The following DPY19L2 variants were observed in gnomAD, a reference collection of about 807,000 sequenced individuals.
DPY19L2 encodes the protein probable C-mannosyltransferase DPY19L2.
In DPY19L2, 34 loss-of-function variants were observed where a neutral mutation model predicts 97.9. The observed-to-expected ratio is 0.35, with a 90% confidence interval of 0.26 to 0.46. The LOEUF (loss-of-function observed/expected upper bound fraction) is 0.46. DPY19L2 is among the 20% of genes least tolerant of loss of function. DPY19L2 has a pLI of 1.00. For synonymous variants in DPY19L2, 230 were observed against 307.9 expected (o/e 0.75, Z 2.65); for missense variants, 623 against 911.4 (o/e 0.68, Z 4.07).
At chr12:63,574,578 A>C (rs976701059) in intron 19 of DPY19L2, among the ~76,000 whole-genome samples, 2 of 152,002 alleles carry the variant, frequency 1.3e-5, no homozygotes, top group Non-Finnish European at 2.9e-5. Flanking sequence ...TTTACTTATA[A>C]AGGCAAATAT....
chr12:63,591,271 A>T (rs1235943353), intron 16 of DPY19L2: 7 of 268,304 alleles, frequency 2.6e-5, no homozygotes, highest in Non-Finnish European at 5.5e-5. Flanking sequence ...AGTTCATAGA[A>T]ATTCTTTCTA....
chr12:63,629,094 G>C (rs573687634), intron 6 of DPY19L2, among the ~76,000 whole-genome samples: 2,472 of 152,156 alleles, frequency 0.016, 72 homozygotes, highest in African/African-American at 0.055. Flanking sequence ...ACCAAAGGTA[G>C]ATAAAACCAC....
chr12:63,654,548 G>T (rs7301454), intron 4 of DPY19L2, among the ~76,000 whole-genome samples: 100,679 of 151,920 alleles, frequency 0.66, 33,918 homozygotes, highest in East Asian at 0.87. Context: ...ATTGACAAAT[G>T]GGATTTAAAA....
chr12:63,582,841 T>C (rs534442579), intron 17 of DPY19L2, among the ~76,000 whole-genome samples: 2 of 152,142 alleles, frequency 1.3e-5, no homozygotes, highest in East Asian at 3.9e-4. Flanking sequence ...ATAAGTGCAG[T>C]TGGCAAGAAA....
rs1042489050 is a variant in DPY19L2 at position 63,661,200 on chromosome 12, A to C, written c.588+144T>G. On this transcript the variant is annotated intron_variant, in intron 4 of 21. Transcript: ENST00000324472. The stretch of plus-strand genomic sequence containing the variant: ...TCTTTAAATTTTAAGAGAGGAACTT[A>C]TGATATTCTACTCAACTATAAGGAT... 8.0e-6 allele frequency: 6 copies of C among 754,048 alleles called. No homozygotes were observed. In the African/African-American group the frequency reaches 9.2e-5, roughly 12 times the overall value. The allele number at this position is 754,048 out of a possible 1,614,324, so 46.7% of individuals were successfully genotyped here. A position where few individuals can be genotyped will look rare whatever the true frequency, so the allele number is the denominator to read the frequency against.
At chr12:63,601,411 AAAGTT>A (rs1325244781) in intron 12 of DPY19L2, among the ~76,000 whole-genome samples, 4 of 152,160 alleles carry the variant, frequency 2.6e-5, no homozygotes, top group Admixed American at 1.3e-4. Flanking sequence ...TAGCCTGGGG[AAAGTT>A]ACAGCAACCT....
At position 63,559,983 on chromosome 12, in the gene DPY19L2, ATCTT is replaced by A. The variant is rs1876171401; in HGVS notation, c.*525_*528del. 1 of 152,310 alleles carries A rather than the reference ATCTT, an allele frequency of 6.6e-6. No homozygotes were observed. Among genetic ancestry groups the A allele is most frequent in the African/African-American group, 2.4e-5 (1 of 41,440 alleles). 9.4% of individuals were successfully genotyped at this position (152,310 alleles called of 1,614,324 possible). On this transcript the variant is annotated 3_prime_UTR_variant, in exon 22 of 22. Coordinates refer to ENST00000324472, the MANE Select transcript of DPY19L2 (RefSeq NM_173812.5). ...AAAAAAGTATTAAAAGGTATTAGAG[ATCTT>A]TCTTAAGGGCTGGTAAAATAAAAAC...
intron 1 of DPY19L2, 37 bp from the exon 2 acceptor site, chr12:63,665,896 G>C: frequency 1.3e-6 from 2 of 1,533,854 alleles, no homozygotes; most frequent in South Asian, 1.2e-5. Context: ...ATTAATAGCT[G>C]CTTTATTATA....
intron 6 of DPY19L2, among the ~76,000 whole-genome samples, chr12:63,637,606 TAGA>T (rs1000723265): frequency 6.6e-5 from 10 of 152,220 alleles, no homozygotes; most frequent in Admixed American, 3.9e-4. Context: ...CTAGAAAATC[TAGA>T]AGAAATGGAT....
intron 6 of DPY19L2, among the ~76,000 whole-genome samples, chr12:63,627,648 C>T (rs1192857768): frequency 6.6e-6 from 1 of 152,164 alleles, no homozygotes; most frequent in Non-Finnish European, 1.5e-5. Flanking sequence ...CCGCACCCGG[C>T]CAAAAACCAT....
rs73327557 is a variant in DPY19L2 at position 63,643,813 on chromosome 12, A to G, written c.803+590T>C. On this transcript the variant is annotated intron_variant, in intron 6 of 21. Transcript: ENST00000324472. The stretch of plus-strand genomic sequence containing the variant: ...CTTTTGTGAGAAAGGCAGATACTTT[A>G]CTGGATGTAACCAAAACTGACTCAA... 3.3e-3 allele frequency among the ~76,000 whole-genome samples: 497 copies of G among 152,290 alleles called. 3 individuals are homozygous for G. The highest frequency in any genetic ancestry group is 0.011 in the African/African-American group (446 of 41,560).
intron 21 of DPY19L2, among the ~76,000 whole-genome samples, chr12:63,562,657 C>A (rs981384651): frequency 2.6e-5 from 4 of 152,124 alleles, no homozygotes; most frequent in Admixed American, 2.6e-4. Context: ...GTGTCAGCAA[C>A]ACTTGGCAGT....
chr12:63,591,319 T>C (rs1395516945), intron 16 of DPY19L2, among the ~76,000 whole-genome samples: 1 of 152,132 alleles, frequency 6.6e-6, no homozygotes, highest in African/African-American at 2.4e-5. Flanking sequence ...AAAACTATTC[T>C]ATAAAGTAGA....
chr12:63,615,351 C>T lies in DPY19L2; in HGVS notation c.1218+1953G>A, dbSNP rs546185873. Reference sequence around the variant, plus strand: ...TTAGAATGTGACCACTTTGCAATCCCTAATGAATTAACAGAGCCAGCATAA... The same window carrying T: ...TTAGAATGTGACCACTTTGCAATCCTTAATGAATTAACAGAGCCAGCATAA... On this transcript the variant is annotated intron_variant, in intron 11 of 21. Transcript: ENST00000324472. Among the ~76,000 whole-genome samples, 50 of 152,206 alleles carry T rather than the reference C, an allele frequency of 3.3e-4. 1 individual carries two copies. The highest frequency in any genetic ancestry group is 1.2e-3 in the African/African-American group (48 of 41,546).
chr12:63,640,385 GA>G (rs1196253847), intron 6 of DPY19L2, among the ~76,000 whole-genome samples: 1 of 152,138 alleles, frequency 6.6e-6, no homozygotes, highest in African/African-American at 2.4e-5. Context: ...ATATTTTGAA[GA>G]AAAGCATTCC....
In DPY19L2 at chr12:63,560,625, CTT is replaced by C. The variant is rs1876293070; in HGVS notation, c.2162_2163del (p.Glu721GlyfsTer7). The C allele has an allele frequency of 6.2e-7, 1 of 1,613,990 alleles. No homozygotes were observed. Among genetic ancestry groups the C allele is most frequent in the Non-Finnish European group, 8.5e-7 (1 of 1,179,926 alleles). ...GCSMLEIWDV[E>X]DPSNAANPPL... The stretch of plus-strand genomic sequence containing the variant: ...GGAGGGTTAGCTGCATTGGAAGGGT[CTT>C]CCACATCCCAGATTTCAAGCATACT... On this transcript the variant is annotated frameshift_variant, in exon 22 of 22. Coordinates refer to ENST00000324472, the MANE Select transcript of DPY19L2 (RefSeq NM_173812.5). LOFTEE classifies it low-confidence loss of function (END_TRUNC).
Position 63,652,725 on chromosome 12 carries a change from G to A in DPY19L2, c.589-5360C>T, listed in dbSNP as rs1440266532. Among the ~76,000 whole-genome samples, 4 of 152,282 alleles carry A rather than the reference G, an allele frequency of 2.6e-5. No homozygotes were observed. In the South Asian group the frequency reaches 8.3e-4, roughly 32 times the overall value. The stretch of plus-strand genomic sequence containing the variant: ...ACTTATAAGCGAAGCTAAACACTGA[G>A]TACACATGGACACAAAGAAGGGAAC... On this transcript the variant is annotated intron_variant, in intron 4 of 21. Coordinates refer to ENST00000324472, the MANE Select transcript of DPY19L2 (RefSeq NM_173812.5).
At chr12:63,659,999 T>C (rs1414475013) in intron 4 of DPY19L2, among the ~76,000 whole-genome samples, 1 of 152,136 alleles carries the variant, frequency 6.6e-6, no homozygotes, top group African/African-American at 2.4e-5. Flanking sequence ...CAAAAAAGCA[T>C]ATCACAGCCA....
At position 63,604,365 on chromosome 12, in the gene DPY19L2, G is replaced by A. The variant is rs111675325; in HGVS notation, c.1279-3979C>T. Among the ~76,000 whole-genome samples, 793 of 152,220 alleles carry A rather than the reference G, an allele frequency of 5.2e-3. 7 individuals are homozygous for A. Among genetic ancestry groups the A allele is most frequent in the Middle Eastern group, 6.8e-3 (2 of 294 alleles). ...ATCGCTCAGTATCTTCACTCTGCAG[G>A]TACAGATTCTGCAGGTGTGTCTTTC... On this transcript the variant is annotated intron_variant, in intron 12 of 21. Coordinates refer to ENST00000324472, the MANE Select transcript of DPY19L2 (RefSeq NM_173812.5).
Sources: allele counts gnomAD v4.1 joint callset (sites outside exome capture counted in the v4.1 genomes callset), GRCh38; gene constraint gnomAD v4.1.1; transcripts MANE v1.5; gene names NCBI Gene and HGNC (gene_info 2026-07-23, HGNC 2026-07-21).